Variants in CR1 observed in about 807,000 individuals in gnomAD.
CR1 encodes the protein complement receptor type 1.
CR1 carries 116 observed loss-of-function variants against 187.3 expected under a neutral mutation model. The ratio of observed to expected loss-of-function variants is 0.62; its 90% CI spans 0.53 to 0.72. The LOEUF (loss-of-function observed/expected upper bound fraction) is 0.72, where lower values mean the gene tolerates loss of function less well. CR1 is among the 30% of genes least tolerant of loss of function. The pLI is 0.00. For missense variants in CR1, 1,731 were observed against 2,110.7 expected, an observed-to-expected ratio of 0.82 and a Z score of 3.52; for synonymous variants, 576 against 747.1, an observed-to-expected ratio of 0.77 and a Z score of 3.73.
chr1:207,566,120 C>T (rs1660487608), intron 24 of CR1, among the ~76,000 whole-genome samples, 197 bp downstream of exon 24: 1 of 150,340 alleles, frequency 6.7e-6, no homozygotes, highest in Non-Finnish European at 1.5e-5. Flanking sequence ...TGTCTCTGTC[C>T]TTCTGCATTC....
At chr1:207,523,114 C>G (rs1308043517) in intron 4 of CR1, among the ~76,000 whole-genome samples, 1 of 151,908 alleles carries the variant, frequency 6.6e-6, no homozygotes, top group Non-Finnish European at 1.5e-5. Flanking sequence ...AATATTTAAC[C>G]CCCTGTAGTC....
At chr1:207,514,740 T>G (rs1173187236) in intron 4 of CR1, among the ~76,000 whole-genome samples, 1 of 152,110 alleles carries the variant, frequency 6.6e-6, no homozygotes, top group Non-Finnish European at 1.5e-5. Flanking sequence ...AAGACTATAA[T>G]TTTCTTTCTT....
At chr1:207,609,846 A>G (rs190973160) in intron 37 of CR1, among the ~76,000 whole-genome samples, 158 bp downstream of exon 37, 38 of 152,340 alleles carry the variant, frequency 2.5e-4, no homozygotes, top group Admixed American at 1.0e-3. Flanking sequence ...GTCTCAAAGT[A>G]ATGGCTTATT....
chr1:207,593,372 TAATA>T (rs1661334348), intron 35 of CR1, among the ~76,000 whole-genome samples: 2 of 152,186 alleles, frequency 1.3e-5, no homozygotes, highest in Non-Finnish European at 2.9e-5. Flanking sequence ...ATTCCCTATT[TAATA>T]AATGGTGTTG....
chr1:207,584,824 G>A lies in CR1; in HGVS notation c.5478G>A (p.Gly1826=), dbSNP rs770649564. ...STIRCTSDPH[G]NGVWSSPAPR... The stretch of plus-strand genomic sequence containing the variant: ...TCCGCTGCACAAGTGACCCTCATGG[G>A]AATGGGGTTTGGAGCAGCCCTGCCC... The change falls in exon 33 of 47, where the codon GGG becomes GGA. Residue 1826 remains glycine, a synonymous_variant. Coordinates refer to ENST00000367049, the MANE Select transcript of CR1 (RefSeq NM_000651.6). 6.2e-7 allele frequency: 1 copy of A among 1,613,970 alleles called. No individual in the cohort carries two copies. The highest frequency in any genetic ancestry group is 1.1e-5 in the South Asian group (1 of 91,074).
At chr1:207,503,665 G>A (rs1659342387) in intron 1 of CR1, among the ~76,000 whole-genome samples, 1 of 152,126 alleles carries the variant, frequency 6.6e-6, no homozygotes, top group South Asian at 2.1e-4. Context: ...AGATAACCCA[G>A]GATAATCTGC....
chr1:207,588,670 C>T lies in CR1; in HGVS notation c.5711-5C>T, dbSNP rs771345235. 1.9e-6 allele frequency: 3 copies of T among 1,604,784 alleles called. No individual in the cohort carries two copies. Among genetic ancestry groups the T allele is most frequent in the Non-Finnish European group, 2.6e-6 (3 of 1,172,570 alleles). Reference sequence around the variant, plus strand: ...TTTAATCCCAAATTCTGCTTCTTCCCCTAGGAAAATCATGTGGACCTCCAC... The same window carrying T: ...TTTAATCCCAAATTCTGCTTCTTCCTCTAGGAAAATCATGTGGACCTCCAC... On this transcript the variant is annotated splice_region_variant and splice_polypyrimidine_tract_variant and intron_variant, in intron 34 of 46. Coordinates refer to ENST00000367049, the MANE Select transcript of CR1 (RefSeq NM_000651.6).
intron 3 of CR1, chr1:207,507,044 G>T: frequency 2.3e-6 from 1 of 429,310 alleles, no homozygotes; most frequent in Admixed American, 4.1e-5. Context: ...TGAAAAGTGT[G>T]GCATTCATTG....
intron 35 of CR1, 48 bp downstream of exon 35, chr1:207,588,822 G>A: frequency 7.6e-7 from 1 of 1,323,778 alleles, no homozygotes; most frequent in Non-Finnish European, 1.1e-6. Context: ...GAACAGCAGA[G>A]CCAACTTCTG....
At chr1:207,603,443 A>G (rs575984383) in intron 35 of CR1, among the ~76,000 whole-genome samples, 3 of 152,084 alleles carry the variant, frequency 2.0e-5, no homozygotes, top group African/African-American at 7.2e-5. Flanking sequence ...CTCTTTCCCT[A>G]GGACTCCCTG....
At chr1:207,502,511 C>A (rs765698011) in intron 1 of CR1, among the ~76,000 whole-genome samples, 1 of 151,938 alleles carries the variant, frequency 6.6e-6, no homozygotes, top group East Asian at 1.9e-4. Context: ...GATAAAATTG[C>A]GTCACATAGA....
intron 4 of CR1, among the ~76,000 whole-genome samples, chr1:207,520,438 GA>G (rs762212002): frequency 2.6e-4 from 39 of 152,206 alleles, no homozygotes; most frequent in Non-Finnish European, 4.3e-4. Flanking sequence ...CCCCATGGGA[GA>G]TACCTTGGCT....
In CR1 at chr1:207,496,408, G is replaced by T. The variant is rs762920284; in HGVS notation, c.121+20G>T. 6.3e-7 allele frequency: 1 copy of T among 1,595,336 alleles called. No individual in the cohort carries two copies. The highest frequency in any genetic ancestry group is 1.1e-5 in the South Asian group (1 of 90,106). On this transcript the variant is annotated intron_variant, in intron 1 of 46. Coordinates refer to ENST00000367049, the MANE Select transcript of CR1 (RefSeq NM_000651.6). Reference sequence around the variant, plus strand: ...CCTGGGGTGAGAGGCGGGCGGGCGTGGGGAGGCGCCCGGGCGGACGAGGAA... The same window carrying T: ...CCTGGGGTGAGAGGCGGGCGGGCGTTGGGAGGCGCCCGGGCGGACGAGGAA...
chr1:207,577,544 C>T (rs998328012), intron 28 of CR1, among the ~76,000 whole-genome samples: 8 of 152,198 alleles, frequency 5.3e-5, no homozygotes, highest in Middle Eastern at 3.4e-3. Flanking sequence ...CCGAGGCAGG[C>T]GGATTGTTTG....
At chr1:207,584,289 T>C (rs532412328) in intron 32 of CR1, among the ~76,000 whole-genome samples, 8 of 152,352 alleles carry the variant, frequency 5.3e-5, no homozygotes, top group Non-Finnish European at 4.4e-5. Flanking sequence ...GTACTTGACA[T>C]ACAGCAGATA....
Position 207,507,915 on chromosome 1 carries a change from TG to T in CR1, c.401+1104del, listed in dbSNP as rs1572992652. Reference sequence around the variant, plus strand: ...CTTTAGCAAGGGAATGGATAAACTGTGGTACATCCATACAATAGAATATTAT... The same window carrying T: ...CTTTAGCAAGGGAATGGATAAACTGTGTACATCCATACAATAGAATATTAT... On this transcript the variant is annotated intron_variant, in intron 3 of 46. Coordinates refer to ENST00000367049, the MANE Select transcript of CR1 (RefSeq NM_000651.6). Among the ~76,000 whole-genome samples the T allele has an allele frequency of 2.0e-5, 3 of 152,310 alleles. No homozygotes were observed. The East Asian group carries it at 5.8e-4, about 29-fold the overall frequency.
At chr1:207,501,834 T>C (rs769822645) in intron 1 of CR1, among the ~76,000 whole-genome samples, 3 of 152,158 alleles carry the variant, frequency 2.0e-5, no homozygotes, top group African/African-American at 7.2e-5. Flanking sequence ...AAGACAAATA[T>C]CAAAATTGTA....
intron 35 of CR1, among the ~76,000 whole-genome samples, chr1:207,598,421 C>CTTTTTTT (rs11392366): frequency 2.7e-5 from 4 of 148,608 alleles, no homozygotes; most frequent in Non-Finnish European, 3.0e-5. Context: ...AAGACAAGAA[C>CTTTTTTT]TTTTTTTTTT....
intron 3 of CR1, among the ~76,000 whole-genome samples, chr1:207,510,833 T>A (rs1228868661): frequency 1.3e-5 from 2 of 151,406 alleles, no homozygotes; most frequent in African/African-American, 4.9e-5. Flanking sequence ...CTTTCTTTTT[T>A]TTTTTTGATA....
Sources: allele counts gnomAD v4.1 joint callset (sites outside exome capture counted in the v4.1 genomes callset), GRCh38; gene constraint gnomAD v4.1.1; transcripts MANE v1.5; gene names NCBI Gene and HGNC (gene_info 2026-07-23, HGNC 2026-07-21).